EYS: variants seen among roughly 807,000 people sequenced by gnomAD.
The protein encoded by EYS is protein eyes shut homolog.
EYS carries 250 observed loss-of-function variants against 282.1 expected under a neutral mutation model. That is an observed-to-expected ratio of 0.89 (90% confidence interval 0.80 to 0.98). The LOEUF is 0.98. Ranked by LOEUF, EYS falls within the 50% of genes least tolerant of loss-of-function variation. The pLI is 0.00. For missense variants in EYS, 4,016 were observed against 3,709.0 expected (o/e 1.08, Z -2.15); for synonymous variants, 1,355 against 1,282.9 (o/e 1.06, Z -1.20).
At chr6:63,866,954 G>A (rs374765212) in intron 35 of EYS, among the ~76,000 whole-genome samples, 7 of 152,222 alleles carry the variant, frequency 4.6e-5, no homozygotes, top group Middle Eastern at 3.4e-3. Flanking sequence ...CTTTGCTATC[G>A]TCTGTGTTAT....
chr6:64,956,184 C>T (rs1206355322), intron 14 of EYS, among the ~76,000 whole-genome samples: 2 of 152,182 alleles, frequency 1.3e-5, no homozygotes, highest in Admixed American at 1.3e-4. Flanking sequence ...CATTACTTGA[C>T]TTCAAATTAT....
At chr6:63,804,957 C>A (rs1770867030) in intron 37 of EYS, among the ~76,000 whole-genome samples, 1 of 151,822 alleles carries the variant, frequency 6.6e-6, no homozygotes. Context: ...GATAGAGTAC[C>A]CCATCCTAGC....
At chr6:65,072,201 G>A (rs1773922774) in intron 12 of EYS, among the ~76,000 whole-genome samples, 1 of 151,740 alleles carries the variant, frequency 6.6e-6, no homozygotes, top group African/African-American at 2.4e-5. Context: ...TTCCCAAACA[G>A]GGCTACATAT....
intron 2 of EYS, among the ~76,000 whole-genome samples, chr6:65,555,397 G>T (rs1349342397): frequency 6.6e-6 from 1 of 151,908 alleles, no homozygotes; most frequent in African/African-American, 2.4e-5. Flanking sequence ...CAATGCATAT[G>T]ACTGCTTAAA....
chr6:63,799,669 G>T (rs565833104), intron 37 of EYS, among the ~76,000 whole-genome samples: 1 of 152,220 alleles, frequency 6.6e-6, no homozygotes. Flanking sequence ...TTATGAAATT[G>T]CTGCTATTCT....
chr6:64,621,444 TTC>T (rs1767443838), intron 23 of EYS, among the ~76,000 whole-genome samples: 1 of 152,176 alleles, frequency 6.6e-6, no homozygotes, highest in African/African-American at 2.4e-5. Context: ...TAAAATTATT[TTC>T]TCTTCTTAGT....
At chr6:64,871,995 C>G (rs974965466) in intron 19 of EYS, among the ~76,000 whole-genome samples, 2 of 152,034 alleles carry the variant, frequency 1.3e-5, no homozygotes, top group African/African-American at 4.8e-5. Context: ...ATAGATAACT[C>G]TGGACAAAAG....
intron 9 of EYS, among the ~76,000 whole-genome samples, chr6:65,347,669 C>T (rs1770452800): frequency 6.6e-6 from 1 of 151,334 alleles, no homozygotes; most frequent in Non-Finnish European, 1.5e-5. Context: ...ATAGCAATCA[C>T]CTCAGGGAAA....
intron 19 of EYS, among the ~76,000 whole-genome samples, chr6:64,826,719 C>CT (rs1216472164): frequency 1.3e-5 from 2 of 148,716 alleles, no homozygotes; most frequent in Non-Finnish European, 3.0e-5. Flanking sequence ...AATCAGCTGT[C>CT]TTTTTTCAGA....
intron 35 of EYS, among the ~76,000 whole-genome samples, chr6:63,889,754 C>A (rs1363734514): frequency 6.6e-6 from 1 of 152,112 alleles, no homozygotes; most frequent in East Asian, 1.9e-4. Context: ...GTGACAGGAT[C>A]AAATTAATAC....
intron 12 of EYS, among the ~76,000 whole-genome samples, chr6:65,115,961 T>TA (rs200197223): frequency 0.17 from 22,027 of 132,222 alleles, 2,112 homozygotes; most frequent in African/African-American, 0.31. Context: ...TCTGTCTGTC[T>TA]ATCTAATCTA....
chr6:64,950,798 CATATATAT>C lies in EYS; in HGVS notation c.2260-4892_2260-4885del, dbSNP rs1171736217. ...AAAAATATATACACATATACATATA[CATATATAT>C]ATATATATATATATATATATATATA... On this transcript the variant is annotated intron_variant, in intron 14 of 42. Coordinates refer to ENST00000503581, the MANE Select transcript of EYS (RefSeq NM_001142800.2). Among the ~76,000 whole-genome samples, 186 of 54,234 alleles carry C rather than the reference CATATATAT, an allele frequency of 3.4e-3. 3 individuals carry two copies. The highest frequency in any genetic ancestry group is 0.015 in the Middle Eastern group (1 of 66). 35.6% of individuals were successfully genotyped at this position (54,234 alleles called of 152,430 possible).
intron 34 of EYS, among the ~76,000 whole-genome samples, chr6:63,989,827 C>A (rs189409004): frequency 1.1e-3 from 161 of 151,088 alleles, no homozygotes; most frequent in African/African-American, 3.6e-3. Context: ...TCTAATATAC[C>A]CTTCTATATT....
At chr6:65,234,267 G>A (rs1167520720) in intron 12 of EYS, among the ~76,000 whole-genome samples, 1 of 152,184 alleles carries the variant, frequency 6.6e-6, no homozygotes, top group Non-Finnish European at 1.5e-5. Context: ...TTTTCTCAAA[G>A]TGGTACTCCG....
At chr6:65,525,282 G>C (rs1003054637) in intron 2 of EYS, among the ~76,000 whole-genome samples, 10 of 152,028 alleles carry the variant, frequency 6.6e-5, no homozygotes, top group Non-Finnish European at 1.2e-4. Context: ...CTTGATTATT[G>C]TAATCATCCT....
At chr6:65,401,432 T>G (rs1376848932) in intron 7 of EYS, among the ~76,000 whole-genome samples, 1 of 151,370 alleles carries the variant, frequency 6.6e-6, no homozygotes, top group African/African-American at 2.4e-5. Flanking sequence ...TCTAAGTACA[T>G]TCACTAATCT....
chr6:64,599,842 TA>T (rs1264236367), intron 24 of EYS, among the ~76,000 whole-genome samples: 1 of 152,156 alleles, frequency 6.6e-6, no homozygotes, highest in African/African-American at 2.4e-5. Context: ...TCAATATTTC[TA>T]AGCTAAAGTT....
chr6:64,689,800 TC>T (rs1470102255), intron 22 of EYS, among the ~76,000 whole-genome samples: 1 of 152,146 alleles, frequency 6.6e-6, no homozygotes, highest in Non-Finnish European at 1.5e-5. Flanking sequence ...CTGGATCCCT[TC>T]CTTACACCTT....
Position 65,030,622 on chromosome 6 carries a change from G to T in EYS, c.2137+26992C>A, listed in dbSNP as rs556195753. On this transcript the variant is annotated intron_variant, in intron 13 of 42. Coordinates refer to ENST00000503581, the MANE Select transcript of EYS (RefSeq NM_001142800.2). ...ATGTTGGCTGACAGATTCCATCGGG[G>T]TATTGTTGCCAGTGGACAGGGCATA... 4.6e-5 allele frequency among the ~76,000 whole-genome samples: 7 copies of T among 152,270 alleles called. No homozygotes were observed. In the South Asian group the frequency reaches 1.5e-3, roughly 32 times the overall value.
Sources: gnomAD v4.1 joint callset for allele counts (sites outside exome capture counted in the v4.1 genomes callset) on GRCh38, gnomAD v4.1.1 for gene constraint, MANE v1.5 for transcripts, NCBI Gene and HGNC (gene_info 2026-07-23, HGNC 2026-07-21) for gene names.